ABCB1: variants seen among roughly 807,000 people sequenced by gnomAD.
The protein encoded by ABCB1 is ATP-dependent translocase ABCB1.
Under a neutral mutation model 142.0 loss-of-function variants are expected in ABCB1, and 69 were observed. The observed-to-expected ratio is 0.49, with a 90% CI of 0.40 to 0.59. ABCB1 has a LOEUF of 0.59. Ranked by LOEUF, ABCB1 falls within the 20% of genes least tolerant of loss-of-function variation. The pLI is 0.00. For synonymous variants in ABCB1, 532 were observed against 539.2 expected, an observed-to-expected ratio of 0.99 and a Z score of 0.18; for missense variants, 1,326 against 1,554.7, an observed-to-expected ratio of 0.85 and a Z score of 2.47.
chr7:87,506,130 A>G (rs1814729356), intron 26 of ABCB1, 87 bp from the exon 27 acceptor site: 1 of 1,367,730 alleles, frequency 7.3e-7, no homozygotes, highest in African/African-American at 1.4e-5. Context: ...AGACGATTCT[A>G]TATACTCCAA....
chr7:87,506,699 A>G (rs1259556744), intron 26 of ABCB1, among the ~76,000 whole-genome samples: 1 of 152,242 alleles, frequency 6.6e-6, no homozygotes, highest in Non-Finnish European at 1.5e-5. Flanking sequence ...TGATAGGGAC[A>G]GCAGTTAAAG....
chr7:87,587,567 A>C (rs1818809038), intron 3 of ABCB1, among the ~76,000 whole-genome samples: 1 of 152,128 alleles, frequency 6.6e-6, no homozygotes, highest in Non-Finnish European at 1.5e-5. Context: ...GCTTCCTTCC[A>C]GCTTTGAAAG....
intron 20 of ABCB1, among the ~76,000 whole-genome samples, chr7:87,534,591 G>T (rs1189088714): frequency 6.6e-6 from 1 of 152,036 alleles, no homozygotes; most frequent in Admixed American, 6.6e-5. Context: ...CCCCAAGCCT[G>T]CTTCTCCAAC....
At chr7:87,680,818 A>G (rs1826859078) in intron 1 of ABCB1, among the ~76,000 whole-genome samples, 1 of 150,416 alleles carries the variant, frequency 6.6e-6, no homozygotes, top group South Asian at 2.1e-4. Context: ...AAAAGAAAAA[A>G]GAAAAAGAAA....
At position 87,689,494 on chromosome 7, in the gene ABCB1, T is replaced by C. The variant is rs28381738; in HGVS notation, c.-331+23667A>G. Among the ~76,000 whole-genome samples the C allele has an allele frequency of 5.9e-4, 90 of 152,262 alleles. 2 individuals are homozygous for C. In the East Asian group the frequency reaches 0.017, roughly 29 times the overall value. On this transcript the variant is annotated intron_variant, in intron 1 of 28. Transcript: ENST00000265724. ...ATTCAACAATTTTGCTTTATTGCGC[T>C]AATATTTACTTTATTGTGCTAATAT...
intron 21 of ABCB1, 21 bp from the exon 22 acceptor site, chr7:87,520,897 C>T: frequency 1.3e-6 from 2 of 1,567,640 alleles, no homozygotes; most frequent in Non-Finnish European, 1.8e-6. Flanking sequence ...CAGCACCGAT[C>T]ACCAAGAGGC....
rs767089531 is a variant in ABCB1 at position 87,531,490 on chromosome 7, C to T, written c.2489G>A (p.Gly830Asp). ...NDAAQVKGAIGSRLAVITQNI... is the reference protein window; with the variant it reads ...NDAAQVKGAIDSRLAVITQNI... Reference sequence around the variant, plus strand: ...CTGGGTAATTACAGCAAGCCTGGAACCTATAGCCTGCAAAACAAAACAAAT... The same window carrying T: ...CTGGGTAATTACAGCAAGCCTGGAATCTATAGCCTGCAAAACAAAACAAAT... The change falls in exon 21 of 28, where the codon GGT becomes GAT. Residue 830 changes from glycine (G) to aspartate (D), a missense_variant. Physicochemically the swap from Gly to Asp is moderately conservative, Grantham distance 94. Coordinates refer to ENST00000622132, the MANE Select transcript of ABCB1 (RefSeq NM_001348946.2). 4 of 1,612,706 alleles carry T rather than the reference C, an allele frequency of 2.5e-6. No individual in the cohort carries two copies. The African/African-American group carries it at 5.3e-5, about 22-fold the overall frequency.
At chr7:87,554,336 T>TAAAAAA (rs5885589) in intron 8 of ABCB1, among the ~76,000 whole-genome samples, 4 of 142,168 alleles carry the variant, frequency 2.8e-5, no homozygotes, top group Non-Finnish European at 3.1e-5. Flanking sequence ...TAGAAAGTAC[T>TAAAAAA]AAAAAAAAAA....
chr7:87,550,616 A>C, intron 10 of ABCB1, 38 bp from the exon 11 acceptor site: 1 of 1,591,588 alleles, frequency 6.3e-7, no homozygotes. Context: ...ACTAGGTTAC[A>C]ATAACTACTT....
intron 1 of ABCB1, among the ~76,000 whole-genome samples, chr7:87,631,709 T>A (rs985130070): frequency 5.9e-5 from 9 of 152,194 alleles, no homozygotes; most frequent in Admixed American, 6.5e-5. Context: ...TATTTTTATA[T>A]CTCAAATCAG....
intron 1 of ABCB1, among the ~76,000 whole-genome samples, chr7:87,704,556 C>T (rs1209706166): frequency 6.6e-6 from 1 of 152,202 alleles, no homozygotes; most frequent in Non-Finnish European, 1.5e-5. Flanking sequence ...CTGACCAACT[C>T]TCTTAACAAG....
chr7:87,537,212 A>G (rs899226600), intron 19 of ABCB1: 2 of 153,496 alleles, frequency 1.3e-5, no homozygotes, highest in Non-Finnish European at 2.9e-5. Context: ...TTTATGGAGT[A>G]GACGGTGTAT....
intron 5 of ABCB1, among the ~76,000 whole-genome samples, chr7:87,567,833 G>A (rs186231842): frequency 2.2e-4 from 34 of 152,194 alleles, no homozygotes; most frequent in African/African-American, 4.8e-4. Context: ...GGTGGCTCAC[G>A]CCTATAATCC....
In ABCB1 at chr7:87,503,594, T is replaced by A. The variant is rs1350945225; in HGVS notation, c.*649A>T. 1.3e-5 allele frequency: 2 copies of A among 154,500 alleles called. No individual in the cohort carries two copies. Among genetic ancestry groups the A allele is most frequent in the Admixed American group, 1.3e-4 (2 of 15,806 alleles). The allele number at this position is 154,500 out of a possible 1,614,324, so 9.6% of individuals were successfully genotyped here. A position where few individuals can be genotyped will look rare whatever the true frequency, so the allele number is the denominator to read the frequency against. ...GTGCCTCACCCCACCTCCTAAAATC[T>A]TATATCGATCTGTGTTTTGGGTTTG... On this transcript the variant is annotated 3_prime_UTR_variant, in exon 28 of 28. Transcript: ENST00000622132.
chr7:87,570,302 C>T, intron 4 of ABCB1, 79 bp from the exon 5 acceptor site: 2 of 1,312,154 alleles, frequency 1.5e-6, no homozygotes, highest in Non-Finnish European at 2.2e-6. Context: ...ATGAATCAAA[C>T]TCATTTCATT....
intron 4 of ABCB1, among the ~76,000 whole-genome samples, chr7:87,570,849 C>A (rs372863169): frequency 2.0e-5 from 3 of 152,004 alleles, no homozygotes; most frequent in Non-Finnish European, 4.4e-5. Context: ...ATTTTATGTA[C>A]GCATGTATAT....
chr7:87,668,381 T>A (rs1010775868), intron 1 of ABCB1, among the ~76,000 whole-genome samples: 2 of 152,140 alleles, frequency 1.3e-5, no homozygotes, highest in Admixed American at 1.3e-4. Context: ...TTCTTCCTTC[T>A]TCTTTATTAG....
At chr7:87,618,557 T>C (rs28381775) in intron 1 of ABCB1, among the ~76,000 whole-genome samples, 7,324 of 152,256 alleles carry the variant, frequency 0.048, 254 homozygotes, top group East Asian at 0.089. Context: ...ACACTTAATA[T>C]ACATCTCTGT....
At chr7:87,596,104 A>C (rs754630348) in intron 2 of ABCB1, among the ~76,000 whole-genome samples, 7 of 152,082 alleles carry the variant, frequency 4.6e-5, no homozygotes, top group Non-Finnish European at 1.0e-4. Context: ...ATGAATACAT[A>C]CATACACCCT....
Sources: allele counts gnomAD v4.1 joint callset (sites outside exome capture counted in the v4.1 genomes callset), GRCh38; gene constraint gnomAD v4.1.1; transcripts MANE v1.5; gene names NCBI Gene and HGNC (gene_info 2026-07-23, HGNC 2026-07-21).